The following DCAF1 variants were observed in gnomAD, a reference collection of about 807,000 sequenced individuals.
DCAF1 encodes DDB1 and CUL4 associated factor 1.
DCAF1 carries 15 observed loss-of-function variants against 128.0 expected under a neutral mutation model. That is an observed-to-expected ratio of 0.12 (90% CI 0.08 to 0.18). DCAF1 has a LOEUF of 0.18. Among genes scored for constraint, DCAF1 ranks in the 10% least tolerant of loss-of-function variants. The pLI is 1.00. For synonymous variants in DCAF1, 610 were observed against 603.0 expected (o/e 1.01, Z -0.17); for missense variants, 988 against 1,649.5 (o/e 0.60, Z 6.95).
intron 6 of DCAF1, among the ~76,000 whole-genome samples, chr3:51,454,098 G>A (rs983180336): frequency 3.3e-5 from 5 of 152,074 alleles, no homozygotes; most frequent in Admixed American, 1.3e-4. Context: ...GCTGGAGTGC[G>A]GCAGCACGAT....
intron 23 of DCAF1, among the ~76,000 whole-genome samples, chr3:51,406,950 T>C (rs1358472232): frequency 6.6e-6 from 1 of 152,126 alleles, no homozygotes; most frequent in Non-Finnish European, 1.5e-5. Flanking sequence ...TCCCAGCACT[T>C]TGGGAGGCCA....
chr3:51,421,395 T>C (rs1699379454), intron 14 of DCAF1, among the ~76,000 whole-genome samples: 2 of 152,182 alleles, frequency 1.3e-5, no homozygotes, highest in South Asian at 4.1e-4. Context: ...GAGCTGGGAT[T>C]ACAGGCGCCT....
At chr3:51,492,091 G>A (rs983809336) in intron 2 of DCAF1, among the ~76,000 whole-genome samples, 1 of 151,402 alleles carries the variant, frequency 6.6e-6, no homozygotes. Context: ...TGCGGGAGGC[G>A]GAAGTTGCAG....
chr3:51,454,668 TTTTTG>T (rs782799093), intron 6 of DCAF1, among the ~76,000 whole-genome samples: 22 of 149,386 alleles, frequency 1.5e-4, no homozygotes, highest in Non-Finnish European at 2.2e-4. Flanking sequence ...CAGCCCCTAA[TTTTTG>T]TTTTGTTTTG....
chr3:51,463,288 T>C, intron 5 of DCAF1, 61 bp from the exon 6 acceptor site: 1 of 1,111,910 alleles, frequency 9.0e-7, no homozygotes, highest in African/African-American at 1.6e-5. Context: ...ATTAAGGACA[T>C]CTAATAAAAC....
rs909146242 is a variant in DCAF1 at position 51,433,160 on chromosome 3, G to A, written c.1233C>T (p.Thr411=). 3.5e-5 allele frequency: 14 copies of A among 398,266 alleles called. No homozygotes were observed. The highest frequency in any genetic ancestry group is 5.8e-5 in the Non-Finnish European group (13 of 226,034). 24.7% of individuals were successfully genotyped at this position (398,266 alleles called of 1,614,324 possible). Residue 411 remains threonine (T), a synonymous_variant, in exon 10 of 25, where the codon ACC becomes ACT. Coordinates refer to ENST00000684031, the MANE Select transcript of DCAF1 (RefSeq NM_001387579.1). ...GGTAATACAAACACATAGACACACC[G>A]GTTGCAGCCATAGAAGGACGAGGTA... ...LEIPRPSMAA[T]GVSMCLYYLS...
At chr3:51,423,910 G>A (rs944380257) in intron 13 of DCAF1, among the ~76,000 whole-genome samples, 5 of 151,658 alleles carry the variant, frequency 3.3e-5, no homozygotes, top group Admixed American at 3.3e-4. Context: ...AAAAGAATGA[G>A]AAAACCCACA....
At chr3:51,451,662 C>T (rs1330887964) in intron 6 of DCAF1, among the ~76,000 whole-genome samples, 2 of 150,884 alleles carry the variant, frequency 1.3e-5, no homozygotes, top group Non-Finnish European at 2.9e-5. Context: ...CACGGGAGGC[C>T]GAGGCAGGAG....
chr3:51,418,797 G>A lies in DCAF1; in HGVS notation c.3316C>T (p.Arg1106Trp), dbSNP rs1699128604. The A allele has an allele frequency of 1.9e-6, 3 of 1,613,886 alleles. No individual in the cohort carries two copies. The highest frequency in any genetic ancestry group is 2.5e-6 in the Non-Finnish European group (3 of 1,179,868). Residue 1106 changes from arginine to tryptophan, a missense_variant, in exon 16 of 25, where the codon CGG becomes TGG. By Grantham distance (101) the Arg-to-Trp change is moderately radical. Around this residue, in one of 11 missense-constraint regions of DCAF1, gnomAD observed 105 missense variants for 266.7 expected, o/e 0.39. Coordinates refer to ENST00000684031, the MANE Select transcript of DCAF1 (RefSeq NM_001387579.1). ...GTGCAGGTGCCAAGCATCAGGAACC[G>A]CTCCCGTGCTGAGAATGCACAGCAG... Reference protein sequence around the residue: ...FTCCAFSARERFLMLGTCTGQ... With the variant: ...FTCCAFSAREWFLMLGTCTGQ...
chr3:51,413,072 A>G lies in DCAF1; in HGVS notation c.4037-6T>C. 6.2e-7 allele frequency: 1 copy of G among 1,613,872 alleles called. No individual in the cohort carries two copies. The highest frequency in any genetic ancestry group is 2.2e-5 in the East Asian group (1 of 44,876). ...CCGTTTCACATCAATGGTTGCTGGAAAATAGAATGTGAGAAGATTGGGATT... is the reference window on the plus strand; with the variant it reads ...CCGTTTCACATCAATGGTTGCTGGAGAATAGAATGTGAGAAGATTGGGATT... On this transcript the variant is annotated splice_polypyrimidine_tract_variant and splice_region_variant and intron_variant, in intron 21 of 24. Coordinates refer to ENST00000684031, the MANE Select transcript of DCAF1 (RefSeq NM_001387579.1).
chr3:51,412,507 G>C (rs782230267), intron 22 of DCAF1, 27 bp from the exon 23 acceptor site: 3 of 1,613,064 alleles, frequency 1.9e-6, no homozygotes, highest in Admixed American at 1.7e-5. Flanking sequence ...AGTCCATAAG[G>C]AGCAGTTACT....
At chr3:51,433,045 T>A in intron 10 of DCAF1, 61 bp downstream of exon 10, 1 of 398,344 alleles carries the variant, frequency 2.5e-6, no homozygotes, top group East Asian at 3.6e-5. Flanking sequence ...GCGAATGTGA[T>A]CTTTTAAAGA....
chr3:51,467,205 G>A (rs369772889), intron 4 of DCAF1, among the ~76,000 whole-genome samples: 19 of 152,056 alleles, frequency 1.2e-4, no homozygotes, highest in African/African-American at 2.2e-4. Flanking sequence ...AGTGGCGGGC[G>A]CCTGTAATCC....
At chr3:51,401,681 A>T (rs2089712147) in intron 24 of DCAF1, among the ~76,000 whole-genome samples, 2 of 152,232 alleles carry the variant, frequency 1.3e-5, no homozygotes, top group Admixed American at 6.5e-5. Flanking sequence ...TTTATATTCA[A>T]ATTAAGAATG....
intron 10 of DCAF1, among the ~76,000 whole-genome samples, chr3:51,432,622 C>T: frequency 6.6e-6 from 1 of 152,178 alleles, no homozygotes; most frequent in Non-Finnish European, 1.5e-5. Context: ...CCATGCCCAG[C>T]TAATTTTTGT....
intron 24 of DCAF1, 69 bp downstream of exon 24, chr3:51,403,074 G>T (rs1449148864): frequency 1.3e-6 from 2 of 1,527,962 alleles, no homozygotes; most frequent in Non-Finnish European, 8.8e-7. Flanking sequence ...CCTCTAAGTT[G>T]TATGGGCACA....
intron 3 of DCAF1, among the ~76,000 whole-genome samples, chr3:51,482,334 A>G (rs1706306428): frequency 6.6e-6 from 1 of 150,732 alleles, no homozygotes; most frequent in Non-Finnish European, 1.5e-5. Context: ...GGTCTCATCT[A>G]GTAGGGAGGC....
chr3:51,443,054 G>C (rs1553639310), intron 7 of DCAF1, among the ~76,000 whole-genome samples: 1 of 151,870 alleles, frequency 6.6e-6, no homozygotes, highest in African/African-American at 2.4e-5. Flanking sequence ...ACATCCTGCA[G>C]AAGTACCCCA....
At chr3:51,505,137 G>A in the DCAF1 span, among the ~76,000 whole-genome samples, 1 of 151,720 alleles carries the variant, frequency 6.6e-6, no homozygotes, top group East Asian at 1.9e-4. Context: ...GGTGGTGCAT[G>A]CCTGTAATCC....
Sources: gnomAD v4.1 joint callset for allele counts (sites outside exome capture counted in the v4.1 genomes callset) on GRCh38, gnomAD v4.1.1 for gene constraint, gnomAD v4.1.1 regional missense constraint, MANE v1.5 for transcripts, NCBI Gene and HGNC (gene_info 2026-07-23, HGNC 2026-07-21) for gene names.